ARHGAP24: variants seen among roughly 807,000 people sequenced by gnomAD.
ARHGAP24 encodes the protein Rho GTPase activating protein 24.
ARHGAP24 carries 50 observed loss-of-function variants against 76.4 expected under a neutral mutation model. The ratio of observed to expected loss-of-function variants is 0.65; its 90% CI spans 0.52 to 0.83. The LOEUF is 0.83. Among genes scored for constraint, ARHGAP24 ranks in the 40% least tolerant of loss-of-function variants. The pLI is 0.00. For synonymous variants in ARHGAP24, 345 were observed against 323.3 expected (o/e 1.07, Z -0.72); for missense variants, 930 against 914.2 (o/e 1.02, Z -0.22).
chr4:85,527,547 C>CG, intron 1 of ARHGAP24, among the ~76,000 whole-genome samples: 1 of 152,234 alleles, frequency 6.6e-6, no homozygotes, highest in East Asian at 1.9e-4. Flanking sequence ...TATTACCAGT[C>CG]TCATTCACTT....
intron 1 of ARHGAP24, among the ~76,000 whole-genome samples, chr4:85,487,308 A>C (rs1223805242): frequency 8.3e-6 from 1 of 120,876 alleles, no homozygotes; most frequent in African/African-American, 3.3e-5. Context: ...TATATTTATT[A>C]TATATAAAAT....
rs28385531 is a variant in ARHGAP24 at position 85,529,149 on chromosome 4, T to A, written c.-20-41373T>A. On this transcript the variant is annotated intron_variant, in intron 1 of 9. Transcript: ENST00000395184. Reference sequence around the variant, plus strand: ...TATGTGCACATATAGTAAAAACTAATTTTTTTGTTGTCATCAAGGATTCTA... The same window carrying A: ...TATGTGCACATATAGTAAAAACTAAATTTTTTGTTGTCATCAAGGATTCTA... 3.9e-3 allele frequency among the ~76,000 whole-genome samples: 588 copies of A among 152,096 alleles called. 3 individuals are homozygous for A. The highest frequency in any genetic ancestry group is 0.013 in the African/African-American group (551 of 41,534).
chr4:85,861,203 G>A (rs1410067741), intron 3 of ARHGAP24, among the ~76,000 whole-genome samples: 2 of 152,066 alleles, frequency 1.3e-5, no homozygotes, highest in African/African-American at 2.4e-5. Context: ...TTGTCATTCA[G>A]CTAGCTCTGG....
intron 1 of ARHGAP24, among the ~76,000 whole-genome samples, chr4:85,557,266 T>C (rs770030079): frequency 6.6e-6 from 1 of 152,052 alleles, no homozygotes; most frequent in Non-Finnish European, 1.5e-5. Context: ...TGGATTTGGT[T>C]CCTTTCCTGC....
intron 3 of ARHGAP24, among the ~76,000 whole-genome samples, chr4:85,922,928 A>G (rs1024972543): frequency 1.3e-5 from 2 of 152,248 alleles, no homozygotes; most frequent in African/African-American, 4.8e-5. Context: ...GGGGAAAAAT[A>G]CTAGAGAAAC....
At chr4:85,587,914 A>G (rs1376181089) in intron 2 of ARHGAP24, among the ~76,000 whole-genome samples, 1 of 152,234 alleles carries the variant, frequency 6.6e-6, no homozygotes, top group Non-Finnish European at 1.5e-5. Context: ...TGAGGAAAAT[A>G]GAGAACTAGA....
At chr4:85,717,991 G>A (rs139725470) in intron 2 of ARHGAP24, among the ~76,000 whole-genome samples, 32 of 152,138 alleles carry the variant, frequency 2.1e-4, no homozygotes, top group African/African-American at 7.7e-4. Flanking sequence ...TTATTAGTTC[G>A]TTGCTTCTTT....
chr4:85,598,884 T>C (rs1052543909), intron 2 of ARHGAP24, among the ~76,000 whole-genome samples: 2 of 151,608 alleles, frequency 1.3e-5, no homozygotes, highest in Non-Finnish European at 2.9e-5. Flanking sequence ...AGGAGCCTAA[T>C]TAAGAATAAA....
intron 2 of ARHGAP24, among the ~76,000 whole-genome samples, chr4:85,719,131 A>G (rs926717438): frequency 1.3e-5 from 2 of 152,222 alleles, no homozygotes; most frequent in Admixed American, 6.6e-5. Context: ...CTTAATTGAA[A>G]CAATTATTTT....
chr4:85,648,325 T>C (rs1721804241), intron 2 of ARHGAP24, among the ~76,000 whole-genome samples: 1 of 152,062 alleles, frequency 6.6e-6, no homozygotes. Context: ...TATTGTTAGA[T>C]ACTCAATTAT....
intron 3 of ARHGAP24, among the ~76,000 whole-genome samples, chr4:85,820,667 A>G (rs1417410702): frequency 1.3e-5 from 2 of 152,192 alleles, no homozygotes; most frequent in Non-Finnish European, 2.9e-5. Context: ...CAATAGTAAT[A>G]ATTTTAAAAG....
chr4:85,710,593 T>G (rs1578161371), intron 2 of ARHGAP24, among the ~76,000 whole-genome samples: 1 of 152,076 alleles, frequency 6.6e-6, no homozygotes, highest in Non-Finnish European at 1.5e-5. Flanking sequence ...ATCTAGCATC[T>G]ATAAAGAACT....
chr4:85,706,688 C>T (rs1162166412), intron 2 of ARHGAP24, among the ~76,000 whole-genome samples: 1 of 152,032 alleles, frequency 6.6e-6, no homozygotes, highest in Non-Finnish European at 1.5e-5. Flanking sequence ...GCCTCAGCCT[C>T]CTGAGTAGCT....
intron 2 of ARHGAP24, among the ~76,000 whole-genome samples, chr4:85,657,375 C>A (rs1471607): frequency 0.37 from 55,474 of 151,940 alleles, 11,102 homozygotes; most frequent in East Asian, 0.84. Flanking sequence ...AAAGTTTGAA[C>A]CTTTAGTTTC....
chr4:85,963,464 A>G (rs575317753), intron 5 of ARHGAP24, among the ~76,000 whole-genome samples: 12 of 152,216 alleles, frequency 7.9e-5, no homozygotes, highest in African/African-American at 1.7e-4. Context: ...AACTGAATGC[A>G]TATGTTGTAC....
chr4:85,500,050 C>CA (rs1483937383), intron 1 of ARHGAP24, among the ~76,000 whole-genome samples: 1 of 151,852 alleles, frequency 6.6e-6, no homozygotes, highest in Non-Finnish European at 1.5e-5. Flanking sequence ...GTAAAATACA[C>CA]ACTAGATTTT....
At chr4:85,664,336 T>C (rs1367602552) in intron 2 of ARHGAP24, among the ~76,000 whole-genome samples, 1 of 151,108 alleles carries the variant, frequency 6.6e-6, no homozygotes, top group African/African-American at 2.5e-5. Flanking sequence ...TAGTTTGTAT[T>C]TCTTTGGGAT....
intron 1 of ARHGAP24, among the ~76,000 whole-genome samples, chr4:85,548,825 G>C (rs1560528113): frequency 6.6e-6 from 1 of 152,128 alleles, no homozygotes; most frequent in African/African-American, 2.4e-5. Flanking sequence ...TTTCCCGTCA[G>C]TATATACCCC....
At chr4:85,821,602 C>A (rs1729473915) in intron 3 of ARHGAP24, among the ~76,000 whole-genome samples, 1 of 152,166 alleles carries the variant, frequency 6.6e-6, no homozygotes, top group African/African-American at 2.4e-5. Flanking sequence ...CCATGCTGGT[C>A]TTGGACTCTT....
Sources: allele counts gnomAD v4.1 joint callset (sites outside exome capture counted in the v4.1 genomes callset), GRCh38; gene constraint gnomAD v4.1.1; transcripts MANE v1.5; gene names NCBI Gene and HGNC (gene_info 2026-07-23, HGNC 2026-07-21).